Variants in AFF3 observed in about 807,000 individuals in gnomAD.
AFF3 encodes the protein AF4/FMR2 family member 3.
A neutral mutation model predicts 129.7 loss-of-function variants in AFF3; 32 were observed. That is an observed-to-expected ratio of 0.25 (90% CI 0.19 to 0.33). AFF3 has a LOEUF of 0.33. Ranked by LOEUF, AFF3 falls within the 10% of genes least tolerant of loss-of-function variation. The pLI, the probability that AFF3 is intolerant of heterozygous loss-of-function variation, is 1.00. For synonymous variants in AFF3, 644 were observed against 635.4 expected, an observed-to-expected ratio of 1.01 and a Z score of -0.20; for missense variants, 1,373 against 1,592.0, an observed-to-expected ratio of 0.86 and a Z score of 2.34.
intron 8 of AFF3, among the ~76,000 whole-genome samples, chr2:99,756,258 T>C (rs1198900502): frequency 6.6e-6 from 1 of 152,222 alleles, no homozygotes; most frequent in Non-Finnish European, 1.5e-5. Flanking sequence ...GGTGGTGGCT[T>C]GGGCCATGTG....
intron 11 of AFF3, among the ~76,000 whole-genome samples, chr2:99,716,147 CA>C (rs1234078596): frequency 2.0e-5 from 3 of 152,136 alleles, no homozygotes; most frequent in African/African-American, 7.2e-5. Context: ...GTGATCCTGC[CA>C]AATTGTGGCC....
At chr2:99,686,877 T>C (rs1675114207) in intron 11 of AFF3, among the ~76,000 whole-genome samples, 1 of 152,226 alleles carries the variant, frequency 6.6e-6, no homozygotes, top group Non-Finnish European at 1.5e-5. Flanking sequence ...GCCTACCCTG[T>C]TCTGTAATAA....
intron 8 of AFF3, among the ~76,000 whole-genome samples, chr2:99,796,236 T>C (rs1368038555): frequency 6.6e-6 from 1 of 152,184 alleles, no homozygotes; most frequent in Non-Finnish European, 1.5e-5. Flanking sequence ...CCACCTGCAA[T>C]CTTCCCACTA....
At chr2:100,033,526 T>C (rs555222162) in intron 4 of AFF3, among the ~76,000 whole-genome samples, 3 of 152,308 alleles carry the variant, frequency 2.0e-5, no homozygotes, top group African/African-American at 4.8e-5. Context: ...ATTTAAAATA[T>C]GCAAAACAAT....
At chr2:99,713,112 A>C (rs1481967047) in intron 11 of AFF3, among the ~76,000 whole-genome samples, 1 of 152,184 alleles carries the variant, frequency 6.6e-6, no homozygotes, top group Non-Finnish European at 1.5e-5. Flanking sequence ...TTTAATGGGC[A>C]CAGAGTTTCA....
intron 13 of AFF3, among the ~76,000 whole-genome samples, chr2:99,606,525 A>G (rs1680351395): frequency 1.3e-5 from 2 of 152,232 alleles, no homozygotes; most frequent in Admixed American, 1.3e-4. Context: ...AAAAGTAAAG[A>G]GAAAAAATCC....
At chr2:99,839,568 T>TGA (rs1183392015) in intron 7 of AFF3, among the ~76,000 whole-genome samples, 5 of 150,712 alleles carry the variant, frequency 3.3e-5, no homozygotes, top group African/African-American at 1.2e-4. Flanking sequence ...GGATAAGAAA[T>TGA]GATGTCTCAT....
chr2:100,048,073 G>A (rs889678125), intron 4 of AFF3, among the ~76,000 whole-genome samples: 3 of 152,162 alleles, frequency 2.0e-5, no homozygotes, highest in Non-Finnish European at 4.4e-5. Context: ...AATGGCACCA[G>A]TAAATATCAC....
chr2:99,623,672 C>A (rs1427487110), intron 13 of AFF3, among the ~76,000 whole-genome samples: 1 of 152,208 alleles, frequency 6.6e-6, no homozygotes, highest in Non-Finnish European at 1.5e-5. Flanking sequence ...AGAGGCTCGT[C>A]CCCCTGCCCA....
chr2:99,957,083 A>C (rs1033699111), intron 7 of AFF3, among the ~76,000 whole-genome samples: 4 of 152,230 alleles, frequency 2.6e-5, no homozygotes, highest in African/African-American at 9.6e-5. Context: ...GAAATCTGAA[A>C]GGGGTCTGTA....
chr2:99,563,039 T>C (rs922931670), intron 20 of AFF3, among the ~76,000 whole-genome samples: 5 of 151,230 alleles, frequency 3.3e-5, no homozygotes, highest in African/African-American at 9.8e-5. Flanking sequence ...GTGAAGGGAA[T>C]TCTGCCCGTA....
chr2:100,116,090 G>A (rs559754438), intron 2 of AFF3, among the ~76,000 whole-genome samples: 1 of 152,100 alleles, frequency 6.6e-6, no homozygotes, highest in South Asian at 2.1e-4. Flanking sequence ...ATGATGAGTG[G>A]TCTCTCCTAA....
At chr2:99,782,729 C>T (rs1684503843) in intron 8 of AFF3, among the ~76,000 whole-genome samples, 1 of 152,160 alleles carries the variant, frequency 6.6e-6, no homozygotes, top group African/African-American at 2.4e-5. Context: ...CGTACAAATG[C>T]AGTGTTCATG....
chr2:99,998,277 TG>T (rs901390231), intron 7 of AFF3, among the ~76,000 whole-genome samples: 1 of 152,114 alleles, frequency 6.6e-6, no homozygotes, highest in African/African-American at 2.4e-5. Context: ...TGGGTTGATT[TG>T]TTCATCAGCA....
intron 7 of AFF3, among the ~76,000 whole-genome samples, chr2:99,984,962 A>T (rs1223732553): frequency 6.6e-6 from 1 of 152,156 alleles, no homozygotes; most frequent in Non-Finnish European, 1.5e-5. Context: ...AAGCCTGAAA[A>T]ATGCAGGCAA....
At chr2:99,851,718 A>C (rs1217953647) in intron 7 of AFF3, among the ~76,000 whole-genome samples, 1 of 152,252 alleles carries the variant, frequency 6.6e-6, no homozygotes, top group Non-Finnish European at 1.5e-5. Flanking sequence ...AGTGAAGCCC[A>C]AAATGCTTTC....
At chr2:99,745,279 C>A (rs1044764294) in intron 9 of AFF3, among the ~76,000 whole-genome samples, 1 of 152,042 alleles carries the variant, frequency 6.6e-6, no homozygotes, top group Non-Finnish European at 1.5e-5. Flanking sequence ...TAGACTGTTA[C>A]CACATTTATG....
chr2:99,850,606 A>G (rs1315555651), intron 7 of AFF3, among the ~76,000 whole-genome samples: 1 of 152,208 alleles, frequency 6.6e-6, no homozygotes, highest in African/African-American at 2.4e-5. Context: ...CAGAAGTTAA[A>G]TGATTAAGTG....
At chr2:99,964,366 A>C (rs1677522669) in intron 7 of AFF3, among the ~76,000 whole-genome samples, 1 of 152,178 alleles carries the variant, frequency 6.6e-6, no homozygotes, top group African/African-American at 2.4e-5. Context: ...CTACAGAACA[A>C]AATTCTACAA....
Sources: allele counts gnomAD v4.1 joint callset (sites outside exome capture counted in the v4.1 genomes callset), GRCh38; gene constraint gnomAD v4.1.1; transcripts MANE v1.5; gene names NCBI Gene and HGNC (gene_info 2026-07-23, HGNC 2026-07-21).